The following HCK variants were observed in gnomAD, a reference collection of about 807,000 sequenced individuals.
HCK encodes tyrosine-protein kinase HCK.
In HCK, 40 loss-of-function variants were observed where a neutral mutation model predicts 70.4. That is an observed-to-expected ratio of 0.57 (90% CI 0.44 to 0.74). The LOEUF is 0.74. Ranked by LOEUF, HCK falls within the 30% of genes least tolerant of loss-of-function variation. The pLI, the probability that HCK is intolerant of heterozygous loss-of-function variation, is 0.00. For missense variants in HCK, 568 were observed against 697.2 expected, an observed-to-expected ratio of 0.81 and a Z score of 2.09; for synonymous variants, 245 against 263.2, an observed-to-expected ratio of 0.93 and a Z score of 0.67.
intron 6 of HCK, among the ~76,000 whole-genome samples, chr20:32,080,830 G>A (rs242606): frequency 0.48 from 72,697 of 151,856 alleles, 19,925 homozygotes; most frequent in African/African-American, 0.76. Context: ...TTAAATACCC[G>A]TAACAGACCA....
intron 10 of HCK, among the ~76,000 whole-genome samples, chr20:32,090,125 C>G (rs536343268): frequency 6.6e-6 from 1 of 152,356 alleles, no homozygotes; most frequent in South Asian, 2.1e-4. Flanking sequence ...TGTTTTCACT[C>G]CTATGGGCCA....
At chr20:32,053,589 G>T (rs1362069772) in intron 1 of HCK, among the ~76,000 whole-genome samples, 4 of 136,852 alleles carry the variant, frequency 2.9e-5, no homozygotes, top group Non-Finnish European at 6.0e-5. Flanking sequence ...GGTGAGCCGA[G>T]ATCGCGCCAC....
intron 10 of HCK, among the ~76,000 whole-genome samples, chr20:32,090,150 C>A (rs1273284611): frequency 6.6e-6 from 1 of 152,204 alleles, no homozygotes; most frequent in Non-Finnish European, 1.5e-5. Context: ...CTCTGGGAGA[C>A]AATAGACTGG....
intron 1 of HCK, among the ~76,000 whole-genome samples, chr20:32,060,810 T>C (rs2045358250): frequency 1.3e-5 from 2 of 151,980 alleles, no homozygotes; most frequent in Admixed American, 1.3e-4. Context: ...GAAATGGCTA[T>C]GAGAGAAAAT....
intron 1 of HCK, among the ~76,000 whole-genome samples, chr20:32,056,916 T>C (rs2045281262): frequency 6.6e-6 from 1 of 152,186 alleles, no homozygotes; most frequent in Admixed American, 6.5e-5. Flanking sequence ...AAAACACTGA[T>C]GGGACAAACG....
rs201530129 is a variant in HCK, at chr20:32,068,408, AAAAAT to A, written c.63-3238_63-3234del. On this transcript the variant is annotated intron_variant, in intron 1 of 12. Transcript: ENST00000375852. Reference sequence around the variant, plus strand: ...AAAATAATTTTTTTTTAAAAAAGGAAAAAATAAAATAAAATAAAATTTCAATTTTA... The same window carrying A: ...AAAATAATTTTTTTTTAAAAAAGGAAAAAATAAAATAAAATTTCAATTTTA... 5.9e-3 allele frequency among the ~76,000 whole-genome samples: 899 copies of A among 152,098 alleles called. 11 individuals carry two copies. Among genetic ancestry groups the A allele is most frequent in the African/African-American group, 0.021 (855 of 41,562 alleles).
chr20:32,073,246 T>C lies in HCK; in HGVS notation c.184-73T>C, dbSNP rs1270959335. ...AGGGTAAGATGCTCTTGGGTGTCCT[T>C]CTCAACACAGACCTTCCACGGGTCC... On this transcript the variant is annotated intron_variant, in intron 2 of 12. Coordinates refer to ENST00000375852, the MANE Select transcript of HCK (RefSeq NM_002110.5). The C allele has an allele frequency of 2.3e-6, 3 of 1,326,888 alleles. No homozygotes were observed. The African/African-American group carries it at 4.4e-5, about 19-fold the overall frequency. 82.2% of individuals were successfully genotyped at this position (1,326,888 alleles called of 1,614,324 possible).
At chr20:32,087,887 C>G (rs1445032782) in intron 9 of HCK, among the ~76,000 whole-genome samples, 1 of 152,088 alleles carries the variant, frequency 6.6e-6, no homozygotes, top group Non-Finnish European at 1.5e-5. Context: ...TGTGATCCGC[C>G]CGCCTCAGCC....
intron 1 of HCK, among the ~76,000 whole-genome samples, chr20:32,053,007 C>T (rs1167149974): frequency 1.3e-5 from 2 of 152,112 alleles, no homozygotes; most frequent in African/African-American, 2.4e-5. Flanking sequence ...CCTCCCACAA[C>T]AGGTCTAGGT....
At chr20:32,069,749 G>C in intron 1 of HCK, 1 of 1,277,444 alleles carries the variant, frequency 7.8e-7, no homozygotes, top group Non-Finnish European at 1.0e-6. Flanking sequence ...CCCACCAGAA[G>C]AGGTAAATCC....
chr20:32,065,483 A>G (rs114981530), intron 1 of HCK, among the ~76,000 whole-genome samples: 2,414 of 152,278 alleles, frequency 0.016, 65 homozygotes, highest in African/African-American at 0.055. Flanking sequence ...ATTTATCTTC[A>G]GGAATTACTT....
intron 10 of HCK, among the ~76,000 whole-genome samples, chr20:32,091,648 A>G (rs141245875): frequency 5.3e-5 from 8 of 151,866 alleles, no homozygotes; most frequent in African/African-American, 1.9e-4. Flanking sequence ...CACTATTCTA[A>G]ACAAAATCAG....
intron 10 of HCK, 85 bp from the exon 11 acceptor site, chr20:32,093,778 T>A (rs1385625639): frequency 1.5e-6 from 2 of 1,344,706 alleles, no homozygotes; most frequent in East Asian, 4.9e-5. Context: ...TTTTCTTCAC[T>A]TGAACACCTC....
intron 5 of HCK, among the ~76,000 whole-genome samples, chr20:32,078,781 C>T (rs943803793): frequency 1.4e-5 from 2 of 139,868 alleles, no homozygotes; most frequent in Non-Finnish European, 3.0e-5. Context: ...TGCTTGAACC[C>T]GAGAAGCAGA....
rs868864267 is a variant in HCK, at chr20:32,082,028, G to A, written c.533-1866G>A. 1.1e-4 allele frequency among the ~76,000 whole-genome samples: 17 copies of A among 152,272 alleles called. 1 individual carries two copies. The Middle Eastern group carries it at 0.02, about 183-fold the overall frequency. ...ATCCAGCAGCAACCAAGCCAGTCTC[G>A]CCCCTGACTGGGACAGAGTGGCTGA... On this transcript the variant is annotated intron_variant, in intron 6 of 12. Coordinates refer to ENST00000375852, the MANE Select transcript of HCK (RefSeq NM_002110.5).
chr20:32,090,345 C>CA (rs1171840114), intron 10 of HCK, among the ~76,000 whole-genome samples: 9 of 152,214 alleles, frequency 5.9e-5, no homozygotes, highest in Admixed American at 5.9e-4. Flanking sequence ...GAAAGGAGCC[C>CA]ACCTGGGGCT....
In HCK at chr20:32,096,866, G is replaced by GA. The variant is rs1212154484; in HGVS notation, c.1247-2134dup. Among the ~76,000 whole-genome samples the GA allele has an allele frequency of 6.6e-5, 10 of 152,072 alleles. No individual in the cohort carries two copies. In the East Asian group the frequency reaches 1.9e-3, roughly 29 times the overall value. On this transcript the variant is annotated intron_variant, in intron 11 of 12. Coordinates refer to ENST00000375852, the MANE Select transcript of HCK (RefSeq NM_002110.5). ...GCAGAAAGGAGCGTTCTGAAATGCTGAAAATGTTCTACAGCCCAATCTGAT... is the reference window on the plus strand; with the variant it reads ...GCAGAAAGGAGCGTTCTGAAATGCTGAAAAATGTTCTACAGCCCAATCTGAT...
chr20:32,085,844 G>A (rs1334234206), intron 8 of HCK, among the ~76,000 whole-genome samples: 1 of 152,180 alleles, frequency 6.6e-6, no homozygotes. Context: ...AAAAGGCAAG[G>A]GGAGTTTAGT....
chr20:32,059,704 TG>T (rs1023779847), intron 1 of HCK, among the ~76,000 whole-genome samples: 2 of 151,734 alleles, frequency 1.3e-5, no homozygotes, highest in African/African-American at 4.8e-5. Flanking sequence ...CTGGTAGAAA[TG>T]GGGTCTTGCC....
Sources: gnomAD v4.1 joint callset for allele counts (sites outside exome capture counted in the v4.1 genomes callset) on GRCh38, gnomAD v4.1.1 for gene constraint, MANE v1.5 for transcripts, NCBI Gene and HGNC (gene_info 2026-07-23, HGNC 2026-07-21) for gene names.